The following COL13A1 variants were observed in gnomAD, a reference collection of about 807,000 sequenced individuals.
COL13A1 encodes the protein collagen type XIII alpha 1 chain.
Under a neutral mutation model 130.9 loss-of-function variants are expected in COL13A1, and 89 were observed. The observed-to-expected ratio is 0.68, with a 90% confidence interval of 0.57 to 0.81. The LOEUF (loss-of-function observed/expected upper bound fraction) is 0.81. Ranked by LOEUF, COL13A1 falls within the 30% of genes least tolerant of loss-of-function variation. The pLI is 0.00. For synonymous variants in COL13A1, 402 were observed against 341.6 expected (o/e 1.18, Z -1.95); for missense variants, 879 against 934.6 (o/e 0.94, Z 0.78).
At chr10:69,849,479 C>A (rs1025526403) in intron 2 of COL13A1, among the ~76,000 whole-genome samples, 1 of 152,226 alleles carries the variant, frequency 6.6e-6, no homozygotes, top group African/African-American at 2.4e-5. Flanking sequence ...TGGTATGATG[C>A]CCACACAATG....
intron 2 of COL13A1, among the ~76,000 whole-genome samples, chr10:69,826,564 G>C (rs1171141275): frequency 6.6e-6 from 1 of 152,216 alleles, no homozygotes; most frequent in Non-Finnish European, 1.5e-5. Context: ...GGTGAGGGGT[G>C]CATGAAGTGC....
At chr10:69,880,144 A>G (rs895065034) in intron 6 of COL13A1, among the ~76,000 whole-genome samples, 2 of 151,844 alleles carry the variant, frequency 1.3e-5, no homozygotes, top group Non-Finnish European at 2.9e-5. Context: ...CGCCACTCCA[A>G]TGGATCCTGT....
At chr10:69,902,588 C>T (rs2062307726) in intron 14 of COL13A1, among the ~76,000 whole-genome samples, 160 bp from the exon 15 acceptor site, 1 of 152,244 alleles carries the variant, frequency 6.6e-6, no homozygotes, top group African/African-American at 2.4e-5. Context: ...ATCACCACTA[C>T]CACAGCATCA....
chr10:69,883,526 G>A (rs1279307428), intron 7 of COL13A1, among the ~76,000 whole-genome samples: 2 of 152,214 alleles, frequency 1.3e-5, no homozygotes, highest in East Asian at 3.9e-4. Flanking sequence ...CTTGCCCTCT[G>A]GGCACATGAT....
intron 32 of COL13A1, among the ~76,000 whole-genome samples, 156 bp from the exon 33 acceptor site, chr10:69,936,599 AC>A (rs2066952300): frequency 6.6e-6 from 1 of 151,538 alleles, no homozygotes; most frequent in South Asian, 2.1e-4. Flanking sequence ...CCCAAGCATG[AC>A]CCCCACTTAG....
intron 13 of COL13A1, chr10:69,897,473 A>G: frequency 6.2e-7 from 1 of 1,613,786 alleles, no homozygotes. Context: ...CTCCCAAACT[A>G]GGAGTGCCTA....
chr10:69,917,246 C>A (rs1419259259), intron 17 of COL13A1, 43 bp from the exon 18 acceptor site: 2 of 1,611,294 alleles, frequency 1.2e-6, no homozygotes, highest in Non-Finnish European at 1.7e-6. Flanking sequence ...TGACAGGCCC[C>A]GAGTCTGGTC....
At chr10:69,872,330 TC>T in intron 4 of COL13A1, 120 bp downstream of exon 4, 1 of 1,116,942 alleles carries the variant, frequency 9.0e-7, no homozygotes, top group Non-Finnish European at 1.3e-6. Context: ...CAGGCCACTC[TC>T]CAGAGTCCCT....
chr10:69,936,806 C>T lies in COL13A1; in HGVS notation c.1797+24C>T, dbSNP rs558138845. On this transcript the variant is annotated intron_variant, in intron 33 of 40. Transcript: ENST00000645393. ...AGGTAAGGAGAAGTCACATGACAGG[C>T]GCTGTGTCAGTGCTAGTAGAAAAGA... 431 of 1,613,710 alleles carry T rather than the reference C, an allele frequency of 2.7e-4. 2 individuals carry two copies. The South Asian group carries it at 4.1e-3, about 15-fold the overall frequency.
At chr10:69,826,958 A>T (rs1466389390) in intron 2 of COL13A1, among the ~76,000 whole-genome samples, 2 of 152,198 alleles carry the variant, frequency 1.3e-5, no homozygotes, top group African/African-American at 2.4e-5. Flanking sequence ...TCTGCTCACA[A>T]CCCATTGGCC....
intron 2 of COL13A1, among the ~76,000 whole-genome samples, chr10:69,858,744 A>G (rs1857160987): frequency 6.6e-6 from 1 of 152,196 alleles, no homozygotes; most frequent in South Asian, 2.1e-4. Context: ...GAAGGTTTTC[A>G]TTCTCAGCAG....
At chr10:69,905,726 G>A in intron 16 of COL13A1, 61 bp from the exon 17 acceptor site, 1 of 1,577,636 alleles carries the variant, frequency 6.3e-7, no homozygotes, top group Non-Finnish European at 8.7e-7. Flanking sequence ...GTGGGGAACA[G>A]CACAAGTCAA....
intron 2 of COL13A1, among the ~76,000 whole-genome samples, chr10:69,859,502 G>C (rs1056048624): frequency 6.6e-6 from 1 of 152,258 alleles, no homozygotes; most frequent in South Asian, 2.1e-4. Context: ...GCAGAGCCAT[G>C]ATGTGACGTT....
chr10:69,928,671 C>T (rs907714954), intron 27 of COL13A1, among the ~76,000 whole-genome samples: 1 of 152,186 alleles, frequency 6.6e-6, no homozygotes, highest in Non-Finnish European at 1.5e-5. Context: ...AAAGGGCGAC[C>T]AGAGATGCCC....
chr10:69,917,031 T>C (rs910074228), intron 17 of COL13A1, among the ~76,000 whole-genome samples: 2 of 152,066 alleles, frequency 1.3e-5, no homozygotes, highest in Non-Finnish European at 2.9e-5. Context: ...CTTCTCTTGC[T>C]GAACTTGCAT....
chr10:69,863,558 C>CAG (rs1858847786), intron 2 of COL13A1, among the ~76,000 whole-genome samples: 2 of 152,106 alleles, frequency 1.3e-5, no homozygotes, highest in Non-Finnish European at 2.9e-5. Flanking sequence ...CCCTGCCACT[C>CAG]TTGATGCCCC....
At chr10:69,941,322 T>C (rs2067605639) in intron 35 of COL13A1, among the ~76,000 whole-genome samples, 1 of 152,118 alleles carries the variant, frequency 6.6e-6, no homozygotes, top group Non-Finnish European at 1.5e-5. Flanking sequence ...GAATGCTGAG[T>C]CCAGCCTGGG....
chr10:69,822,552 A>C (rs773596010), intron 2 of COL13A1, 114 bp downstream of exon 2: 6 of 770,640 alleles, frequency 7.8e-6, no homozygotes, highest in Non-Finnish European at 1.2e-5. Context: ...TTTCATTTGA[A>C]AGACAGGAGT....
intron 14 of COL13A1, among the ~76,000 whole-genome samples, chr10:69,902,174 T>G (rs1400382509): frequency 6.6e-6 from 1 of 152,186 alleles, no homozygotes; most frequent in Non-Finnish European, 1.5e-5. Flanking sequence ...AATTCAAATT[T>G]TATATGTAAA....
Sources: gnomAD v4.1 joint callset for allele counts (sites outside exome capture counted in the v4.1 genomes callset) on GRCh38, gnomAD v4.1.1 for gene constraint, MANE v1.5 for transcripts, NCBI Gene and HGNC (gene_info 2026-07-23, HGNC 2026-07-21) for gene names.